MAP3K15: variants seen among roughly 807,000 people sequenced by gnomAD.
MAP3K15 encodes the protein MAPK/ERK kinase kinase 15.
MAP3K15 carries 124 observed loss-of-function variants against 99.5 expected under a neutral mutation model. That is an observed-to-expected ratio of 1.25 (90% CI 1.08 to 1.45). MAP3K15 has a LOEUF of 1.45. MAP3K15 is among the 40% of genes most tolerant of loss of function. MAP3K15 has a pLI of 0.00. For missense variants in MAP3K15, 1,242 were observed against 1,079.7 expected, an observed-to-expected ratio of 1.15 and a Z score of -2.11; for synonymous variants, 494 against 439.6, an observed-to-expected ratio of 1.12 and a Z score of -1.55.
At chrX:19,456,629 TAA>T (rs1335276686) in intron 6 of MAP3K15, among the ~76,000 whole-genome samples, 3 of 112,114 alleles carry the variant, frequency 2.7e-5, no homozygotes, top group Non-Finnish European at 5.6e-5. Flanking sequence ...TTTACCGATT[TAA>T]AAAAGAGATG....
At position 19,451,382 on chromosome X, in the gene MAP3K15, C is replaced by T. The variant is rs991352827; in HGVS notation, c.995+5531G>A. 2.1e-4 allele frequency among the ~76,000 whole-genome samples: 22 copies of T among 102,425 alleles called. 1 individual carries two copies. Among genetic ancestry groups the T allele is most frequent in the African/African-American group, 7.6e-4 (22 of 28,794 alleles). 88.9% of individuals were successfully genotyped at this position (102,425 alleles called of 115,157 possible). A position where few individuals can be genotyped will look rare whatever the true frequency, so the allele number is the denominator to read the frequency against. ...CAACAGAGTGAAAAGTCAACCTATA[C>T]AATATAGGAAAACAGTTACAAATTG... On this transcript the variant is annotated intron_variant, in intron 6 of 28. Transcript: ENST00000338883.
At chrX:19,449,451 A>T (rs1426942344) in intron 6 of MAP3K15, among the ~76,000 whole-genome samples, 1 of 109,585 alleles carries the variant, frequency 9.1e-6, no homozygotes, top group East Asian at 2.8e-4. Flanking sequence ...AGTGGTCTCA[A>T]CCAGAAGGGA....
At chrX:19,467,049 G>A (rs1053546859) in intron 3 of MAP3K15, among the ~76,000 whole-genome samples, 6 of 111,133 alleles carry the variant, frequency 5.4e-5, no homozygotes, top group Non-Finnish European at 1.1e-4. Context: ...TTTACATGTG[G>A]CCCAAACAAT....
At chrX:19,469,756 T>G (rs1479102037) in intron 3 of MAP3K15, among the ~76,000 whole-genome samples, 1 of 111,186 alleles carries the variant, frequency 9.0e-6, no homozygotes, top group African/African-American at 3.3e-5. Flanking sequence ...GAACAGACAC[T>G]TCTCAAAAGA....
intron 9 of MAP3K15, among the ~76,000 whole-genome samples, chrX:19,415,530 T>C (rs370745751): frequency 2.7e-5 from 3 of 111,664 alleles, no homozygotes; most frequent in Non-Finnish European, 5.6e-5. Flanking sequence ...AATGTGGAGA[T>C]TGGAAAGCAT....
intron 1 of MAP3K15, among the ~76,000 whole-genome samples, chrX:19,509,035 G>A (rs762962925): frequency 5.6e-4 from 62 of 111,697 alleles, no homozygotes; most frequent in Middle Eastern, 4.6e-3. Context: ...TCCAAGGCCT[G>A]CCTGCCATTT....
At chrX:19,482,929 T>C (rs1410870487) in intron 3 of MAP3K15, among the ~76,000 whole-genome samples, 4 of 110,823 alleles carry the variant, frequency 3.6e-5, no homozygotes, top group Non-Finnish European at 7.5e-5. Context: ...CTTCCTGGCC[T>C]CGGCATCCCT....
At position 19,392,481 on chromosome X, in the gene MAP3K15, C is replaced by A; in HGVS notation, c.2195-8G>T. ...GAAGAGCAGAAAGGCTTCCTAGAGACAGTCACAGCAAAAAACTTATCAGGA... is the reference window on the plus strand; with the variant it reads ...GAAGAGCAGAAAGGCTTCCTAGAGAAAGTCACAGCAAAAAACTTATCAGGA... On this transcript the variant is annotated splice_polypyrimidine_tract_variant and splice_region_variant and intron_variant, in intron 16 of 28. Coordinates refer to ENST00000338883, the MANE Select transcript of MAP3K15 (RefSeq NM_001001671.4). 8.4e-7 allele frequency: 1 copy of A among 1,197,279 alleles called. No individual in the cohort carries two copies. The highest frequency in any genetic ancestry group is 1.1e-6 in the Non-Finnish European group (1 of 890,382).
chrX:19,515,181 C>T lies in MAP3K15; in HGVS notation c.81G>A (p.Gly27=), dbSNP rs922253238. Residue 27 remains glycine (G), a synonymous_variant, in exon 1 of 29, where the codon GGG becomes GGA. Transcript: ENST00000338883. ...CCGCCGGCCCGGCCGCGCCCTCCAC[C>T]CCCGGCGGCGGCGGGCACTGAGGGG... ...SESPQCPPPP[G]VEGAAGPAEP... is the part of the protein sequence containing the mutation. 24 of 841,982 alleles carry T rather than the reference C, an allele frequency of 2.9e-5. No individual in the cohort carries two copies. The African/African-American group carries it at 4.2e-4, about 15-fold the overall frequency. The allele number at this position is 841,982 out of a possible 1,213,427, so 69.4% of individuals were successfully genotyped here. A position where few individuals can be genotyped will look rare whatever the true frequency, so the allele number is the denominator to read the frequency against.
chrX:19,362,907 A>G (rs934818045), intron 25 of MAP3K15, 57 bp from the exon 26 acceptor site: 18 of 656,745 alleles, frequency 2.7e-5, no homozygotes, highest in South Asian at 7.3e-5. Flanking sequence ...ACACCATTCA[A>G]TTTAACTCAA....
Position 19,514,911 on chromosome X carries a change from G to A in MAP3K15, c.351C>T (p.Phe117=). Residue 117 remains phenylalanine (F), a synonymous_variant, in exon 1 of 29, where the codon TTC becomes TTT. Transcript: ENST00000338883. ...CGAAGCCGCTCTCACCTGCGTCGTA[G>A]AAGGCGTCGAGCACGGCCGTCTCCC... ...DFGETAVLDA[F]YDADVAVVDM... The A allele has an allele frequency of 8.9e-7, 1 of 1,128,579 alleles. No homozygotes were observed. The highest frequency in any genetic ancestry group is 1.9e-5 in the South Asian group (1 of 51,985). The allele number at this position is 1,128,579 out of a possible 1,213,427, so 93.0% of individuals were successfully genotyped here.
chrX:19,481,326 C>A (rs1365969793), intron 3 of MAP3K15, among the ~76,000 whole-genome samples: 1 of 106,618 alleles, frequency 9.4e-6, no homozygotes, highest in African/African-American at 3.5e-5. Flanking sequence ...ACTAGGGATC[C>A]AAATGAGAAA....
In MAP3K15 at chrX:19,373,660, G is replaced by A; in HGVS notation, c.2809C>T (p.Gln937Ter). The change falls in exon 21 of 29, where the codon CAG (glutamine) becomes TAG (stop). Residue 937 changes from glutamine to a stop codon, truncating the protein, a stop_gained. Coordinates refer to ENST00000338883, the MANE Select transcript of MAP3K15 (RefSeq NM_001001671.4). LOFTEE classifies it high-confidence loss of function. ...PRGVVLALPT[Q>*]GEPMATSSSE... The stretch of plus-strand genomic sequence containing the variant: ...CTGCTGGTGGCCATGGGCTCTCCCT[G>A]TGTGGGCAGGGCCAGGACGACACCG... The A allele has an allele frequency of 2.5e-6, 3 of 1,201,698 alleles. No individual in the cohort carries two copies. Among genetic ancestry groups the A allele is most frequent in the Non-Finnish European group, 3.4e-6 (3 of 893,815 alleles).
intron 13 of MAP3K15, among the ~76,000 whole-genome samples, chrX:19,401,657 G>C (rs1234842815): frequency 1.8e-5 from 2 of 111,472 alleles, no homozygotes; most frequent in Non-Finnish European, 3.8e-5. Flanking sequence ...GCATAAGGTG[G>C]CCACATCATT....
chrX:19,473,386 A>C (rs1445206672), intron 3 of MAP3K15, among the ~76,000 whole-genome samples: 12 of 112,375 alleles, frequency 1.1e-4, no homozygotes, highest in Non-Finnish European at 1.9e-5. Flanking sequence ...TTGTTGGTCA[A>C]GAGACCAGAA....
At chrX:19,415,956 G>A (rs1254129152) in intron 9 of MAP3K15, among the ~76,000 whole-genome samples, 2 of 111,907 alleles carry the variant, frequency 1.8e-5, no homozygotes, top group African/African-American at 3.2e-5. Context: ...TAACTGTAGT[G>A]CATACTGCAC....
intron 25 of MAP3K15, among the ~76,000 whole-genome samples, chrX:19,368,554 A>C (rs1978341419): frequency 8.9e-6 from 1 of 112,769 alleles, no homozygotes; most frequent in Admixed American, 9.3e-5. Context: ...CTAGTCCACT[A>C]ATGCCCGTCT....
At chrX:19,513,570 C>A (rs2064535977) in intron 1 of MAP3K15, among the ~76,000 whole-genome samples, 1 of 111,776 alleles carries the variant, frequency 8.9e-6, no homozygotes, top group South Asian at 3.8e-4. Context: ...CCCCCTACCC[C>A]GCCCTTCCAG....
At chrX:19,469,163 C>T (rs1383980884) in intron 3 of MAP3K15, among the ~76,000 whole-genome samples, 5 of 111,443 alleles carry the variant, frequency 4.5e-5, no homozygotes, top group African/African-American at 1.6e-4. Context: ...TACAAGGCTA[C>T]GGTAACCAAA....
Sources: gnomAD v4.1 joint callset for allele counts (sites outside exome capture counted in the v4.1 genomes callset) on GRCh38, gnomAD v4.1.1 for gene constraint, MANE v1.5 for transcripts, NCBI Gene and HGNC (gene_info 2026-07-23, HGNC 2026-07-21) for gene names.